Variants in SRFBP1 observed in about 807,000 individuals in gnomAD.
SRFBP1 encodes serum response factor-binding protein 1.
In SRFBP1, 47 loss-of-function variants were observed where a neutral mutation model predicts 45.5. The ratio of observed to expected loss-of-function variants is 1.03; its 90% CI spans 0.82 to 1.32. The LOEUF is 1.32. SRFBP1 is among the 40% of genes most tolerant of loss of function. The probability of loss-of-function intolerance (pLI) is 0.00; values close to 1 mark genes in which losing one functional copy is unlikely to be tolerated. For synonymous variants in SRFBP1, 203 were observed against 166.3 expected (o/e 1.22, Z -1.70); for missense variants, 621 against 484.6 (o/e 1.28, Z -2.64).
At position 122,023,867 on chromosome 5, in the gene SRFBP1, C is replaced by A. The variant is rs576468991; in HGVS notation, c.1105+1460C>A. Among the ~76,000 whole-genome samples the A allele has an allele frequency of 6.6e-5, 10 of 152,280 alleles. No individual in the cohort carries two copies. The East Asian group carries it at 1.5e-3, about 24-fold the overall frequency. On this transcript the variant is annotated intron_variant, in intron 7 of 7. Coordinates refer to ENST00000339397, the MANE Select transcript of SRFBP1 (RefSeq NM_152546.3). The stretch of plus-strand genomic sequence containing the variant: ...TGGGCTAGTTACCGTACTGAAAATT[C>A]TTTCTTTGAGCTAGTTCTCAAACTT...
At chr5:122,014,868 A>C (rs544453025) in intron 4 of SRFBP1, among the ~76,000 whole-genome samples, 4 of 152,342 alleles carry the variant, frequency 2.6e-5, no homozygotes, top group Admixed American at 2.6e-4. Flanking sequence ...AGAAATACCC[A>C]GTTCAGCAAA....
At position 121,961,994 on chromosome 5, in the gene SRFBP1, C is replaced by G. The variant is rs777953395; in HGVS notation, c.-39C>G. The G allele has an allele frequency of 6.2e-7, 1 of 1,613,566 alleles. No homozygotes were observed. The highest frequency in any genetic ancestry group is 1.7e-5 in the Admixed American group (1 of 60,014). On this transcript the variant is annotated 5_prime_UTR_variant, in exon 1 of 8. Coordinates refer to ENST00000339397, the MANE Select transcript of SRFBP1 (RefSeq NM_152546.3). ...GCAGCCGCGGTCTGAGAGACCGGTT[C>G]ACGTGCAGGCAGCGGCGGATCATAT... is the stretch of plus-strand genomic sequence containing the variant.
In SRFBP1 at chr5:121,992,653, A is replaced by T. The variant is rs146885662; in HGVS notation, c.199-1946A>T. ...AATTAATCGCTACTTAGGTTCTAGA[A>T]GTAGAGGTTATTGTAATCATGCTTT... On this transcript the variant is annotated intron_variant, in intron 3 of 7. Coordinates refer to ENST00000339397, the MANE Select transcript of SRFBP1 (RefSeq NM_152546.3). Among the ~76,000 whole-genome samples the T allele has an allele frequency of 4.5e-3, 686 of 152,236 alleles. 1 individual carries two copies. Among genetic ancestry groups the T allele is most frequent in the Non-Finnish European group, 6.6e-3 (446 of 67,994 alleles).
intron 2 of SRFBP1, among the ~76,000 whole-genome samples, chr5:122,068,174 TAAAAAAAAA>T (rs10650287): frequency 8.6e-6 from 1 of 115,910 alleles, no homozygotes; most frequent in Non-Finnish European, 1.7e-5. Flanking sequence ...TAATAACTAG[TAAAAAAAAA>T]AAAAAAAAAA....
rs1489851796 is a variant in SRFBP1 at position 122,041,135 on chromosome 5, GA to G, written n.311+18729del. ...TTGAATAGCTGTAGTCACCAGTTAG[GA>G]GGCTATTAGAATAATCTAAATGAGA... On this transcript the variant is annotated intron_variant and non_coding_transcript_variant, in intron 2 of 2. Transcript: ENST00000504881. Among the ~76,000 whole-genome samples the G allele has an allele frequency of 3.9e-5, 6 of 152,244 alleles. No individual in the cohort carries two copies. The East Asian group carries it at 1.2e-3, about 29-fold the overall frequency.
chr5:121,982,329 C>A (rs562844585), intron 3 of SRFBP1, among the ~76,000 whole-genome samples: 11 of 151,916 alleles, frequency 7.2e-5, no homozygotes, highest in Non-Finnish European at 1.5e-4. Context: ...TCCTCACACT[C>A]ATGAAACAGC....
intron 4 of SRFBP1, among the ~76,000 whole-genome samples, chr5:122,010,585 TTGATAAG>T (rs1753072882): frequency 6.6e-6 from 1 of 152,128 alleles, no homozygotes; most frequent in Non-Finnish European, 1.5e-5. Flanking sequence ...CTCCAGTTGA[TTGATAAG>T]TGATTAGCTT....
At chr5:122,017,474 A>C (rs1024658547) in intron 4 of SRFBP1, among the ~76,000 whole-genome samples, 6 of 152,176 alleles carry the variant, frequency 3.9e-5, no homozygotes, top group Non-Finnish European at 8.8e-5. Context: ...AACCAGTCTT[A>C]CTGGGCTTAA....
chr5:121,987,254 T>G (rs1424767736), intron 3 of SRFBP1, among the ~76,000 whole-genome samples: 1 of 152,060 alleles, frequency 6.6e-6, no homozygotes, highest in Admixed American at 6.6e-5. Flanking sequence ...GTGAAGGGAC[T>G]CCCAGTATCA....
chr5:122,045,503 C>T (rs537979983), intron 2 of SRFBP1, among the ~76,000 whole-genome samples: 34 of 152,150 alleles, frequency 2.2e-4, no homozygotes, highest in Non-Finnish European at 3.8e-4. Context: ...AATGTTTTTC[C>T]ATATGTTTGT....
Position 121,966,779 on chromosome 5 carries a change from A to T in SRFBP1, c.36+4711A>T, listed in dbSNP as rs569782398. Among the ~76,000 whole-genome samples, 136 of 150,190 alleles carry T rather than the reference A, an allele frequency of 9.1e-4. 1 individual carries two copies. The highest frequency in any genetic ancestry group is 3.0e-3 in the African/African-American group (124 of 41,064). On this transcript the variant is annotated intron_variant, in intron 1 of 7. Transcript: ENST00000339397. ...GACATTTTATTTTTTTTTATTTTTTATTTTTTATTTTTTTTTTTGAGACGG... is the reference window on the plus strand; with the variant it reads ...GACATTTTATTTTTTTTTATTTTTTTTTTTTTATTTTTTTTTTTGAGACGG...
downstream of SRFBP1, among the ~76,000 whole-genome samples, chr5:122,030,172 A>G (rs1463856997): frequency 2.6e-5 from 4 of 152,248 alleles, no homozygotes; most frequent in Non-Finnish European, 4.4e-5. Context: ...TGTGAAAGCA[A>G]TAAGAAAACT....
intron 1 of SRFBP1, among the ~76,000 whole-genome samples, chr5:121,967,392 A>G (rs1316506388): frequency 2.0e-5 from 3 of 152,220 alleles, no homozygotes; most frequent in Non-Finnish European, 4.4e-5. Flanking sequence ...AAGTTTTGCT[A>G]GGTGGCAGCA....
In SRFBP1 at chr5:121,966,608, T is replaced by C. The variant is rs78279748; in HGVS notation, c.36+4540T>C. ...CCATAGCATTTAGTGCGTAAATAAT[T>C]TGCAAAACTAGAGCTAGATTTTCTC... On this transcript the variant is annotated intron_variant, in intron 1 of 7. Coordinates refer to ENST00000339397, the MANE Select transcript of SRFBP1 (RefSeq NM_152546.3). Among the ~76,000 whole-genome samples, 1,112 of 152,306 alleles carry C rather than the reference T, an allele frequency of 7.3e-3. 42 individuals are homozygous for C. The East Asian group carries it at 0.086, about 12-fold the overall frequency.
At chr5:122,012,582 C>T (rs564000823) in intron 4 of SRFBP1, among the ~76,000 whole-genome samples, 1 of 152,140 alleles carries the variant, frequency 6.6e-6, no homozygotes, top group African/African-American at 2.4e-5. Context: ...TTGCAAATTA[C>T]TAACATGTCA....
intron 2 of SRFBP1, among the ~76,000 whole-genome samples, chr5:122,042,709 C>T (rs528452273): frequency 6.6e-6 from 1 of 152,244 alleles, no homozygotes; most frequent in East Asian, 1.9e-4. Flanking sequence ...TTAGCCATAT[C>T]CCATAGGTTC....
intron 4 of SRFBP1, among the ~76,000 whole-genome samples, chr5:121,998,519 G>A (rs1347072397): frequency 9.0e-6 from 1 of 111,432 alleles, no homozygotes; most frequent in Non-Finnish European, 1.8e-5. Context: ...CTGTGGTGGG[G>A]TGGGGGGAGG....
intron 4 of SRFBP1, among the ~76,000 whole-genome samples, chr5:122,015,562 C>T (rs978319042): frequency 6.6e-6 from 1 of 152,180 alleles, no homozygotes; most frequent in Non-Finnish European, 1.5e-5. Flanking sequence ...ACCATTGTGT[C>T]GTGAGTGCAG....
At chr5:121,962,231 C>G (rs1193630824) in intron 1 of SRFBP1, among the ~76,000 whole-genome samples, 163 bp downstream of exon 1, 2 of 152,198 alleles carry the variant, frequency 1.3e-5, no homozygotes, top group African/African-American at 2.4e-5. Flanking sequence ...GGTAATTTCC[C>G]TTTTCGGTCT....
Sources: gnomAD v4.1 joint callset for allele counts (sites outside exome capture counted in the v4.1 genomes callset) on GRCh38, gnomAD v4.1.1 for gene constraint, MANE v1.5 for transcripts, NCBI Gene and HGNC (gene_info 2026-07-23, HGNC 2026-07-21) for gene names.